ELFN2: variants seen among roughly 807,000 people sequenced by gnomAD.
The protein encoded by ELFN2 is extracellular leucine rich repeat and fibronectin type III domain containing 2.
Under a neutral mutation model 45.5 loss-of-function variants are expected in ELFN2, and 17 were observed. The ratio of observed to expected loss-of-function variants is 0.37; its 90% CI spans 0.26 to 0.56. The LOEUF (loss-of-function observed/expected upper bound fraction) is 0.56. Ranked by LOEUF, ELFN2 falls within the 20% of genes least tolerant of loss-of-function variation. The probability of loss-of-function intolerance (pLI) is 0.77; values close to 1 mark genes in which losing one functional copy is unlikely to be tolerated. For synonymous variants in ELFN2, 550 were observed against 551.5 expected (o/e 1.00, Z 0.04); for missense variants, 922 against 1,183.2 (o/e 0.78, Z 3.24).
intron 2 of ELFN2, among the ~76,000 whole-genome samples, chr22:37,380,006 G>T (rs1569134374): frequency 6.6e-6 from 1 of 152,174 alleles, no homozygotes; most frequent in Admixed American, 6.5e-5. Context: ...GGGTTTTATA[G>T]TTATTTCTTC....
chr22:37,409,148 G>T (rs530908545), intron 2 of ELFN2, among the ~76,000 whole-genome samples: 30 of 152,282 alleles, frequency 2.0e-4, no homozygotes, highest in Admixed American at 7.2e-4. Flanking sequence ...GAGAGCCACA[G>T]GCCAGGGACC....
At chr22:37,396,549 C>T (rs894492420) in intron 2 of ELFN2, among the ~76,000 whole-genome samples, 2 of 152,196 alleles carry the variant, frequency 1.3e-5, no homozygotes, top group Non-Finnish European at 2.9e-5. Context: ...GATCCCTTAG[C>T]ACTACCCAGG....
In ELFN2 at chr22:37,373,447, G is replaced by A. The variant is rs371726939; in HGVS notation, c.2088C>T (p.His696=). ...GGSGGGGGIH[H]LEVKPAYHCS... is the part of the protein sequence containing the mutation. Reference sequence around the variant, plus strand: ...AGTGGTAGGCCGGCTTCACCTCCAGGTGGTGGATGCCCCCGCCCCCGCCGC... The same window carrying A: ...AGTGGTAGGCCGGCTTCACCTCCAGATGGTGGATGCCCCCGCCCCCGCCGC... Residue 696 remains histidine (H), a synonymous_variant, in exon 3 of 3, where the codon CAC becomes CAT. Coordinates refer to ENST00000402918, the MANE Select transcript of ELFN2 (RefSeq NM_052906.5). 166 of 1,543,078 alleles carry A rather than the reference G, an allele frequency of 1.1e-4. No individual in the cohort carries two copies. In the African/African-American group the frequency reaches 2.1e-3, roughly 20 times the overall value.
At chr22:37,387,543 G>A (rs1931981039) in intron 2 of ELFN2, among the ~76,000 whole-genome samples, 1 of 152,088 alleles carries the variant, frequency 6.6e-6, no homozygotes, top group Non-Finnish European at 1.5e-5. Context: ...AAAAGATGCA[G>A]GAGCTGACCC....
chr22:37,358,906 C>CA (rs1371231739), intron 1 of ELFN2, among the ~76,000 whole-genome samples: 1 of 152,032 alleles, frequency 6.6e-6, no homozygotes, highest in African/African-American at 2.4e-5. Flanking sequence ...AGACTAGCTC[C>CA]AAAAAAACGG....
intron 1 of ELFN2, among the ~76,000 whole-genome samples, chr22:37,423,646 A>C (rs558497445): frequency 6.6e-6 from 1 of 152,272 alleles, no homozygotes; most frequent in African/African-American, 2.4e-5. Context: ...CCTGGCTCTC[A>C]GTAGGGGCTC....
chr22:37,353,828 C>T (rs1284147663), intron 1 of ELFN2: 1 of 150,906 alleles, frequency 6.6e-6, no homozygotes, highest in African/African-American at 2.4e-5. Flanking sequence ...AGCGTAAACC[C>T]GTGCAAGCAC....
Position 37,373,671 on chromosome 22 carries a change from C to T in ELFN2, c.1864G>A (p.Ala622Thr), listed in dbSNP as rs962768922. Residue 622 changes from alanine (A) to threonine (T), a missense_variant, in exon 3 of 3, where the codon GCG (alanine) becomes ACG (threonine). Physicochemically the swap from Ala to Thr is moderately conservative, Grantham distance 58. This residue lies in a region of ELFN2 where 564 missense variants were observed against 642.8 expected (regional missense o/e 0.88). Coordinates refer to ENST00000402918, the MANE Select transcript of ELFN2 (RefSeq NM_052906.5). The part of the protein sequence containing the change: ...HPLQRQLSAD[A>T]AVTRKTCSVS... ...CTGCAGGTCTTGCGGGTCACGGCCG[C>T]GTCGGCGCTCAGCTGGCGCTGTAGT... is the stretch of plus-strand genomic sequence containing the variant. 3 of 1,571,990 alleles carry T rather than the reference C, an allele frequency of 1.9e-6. No individual in the cohort carries two copies. The highest frequency in any genetic ancestry group is 3.8e-5 in the Admixed American group (2 of 52,918).
chr22:37,414,612 AG>A (rs1416244235), intron 2 of ELFN2, among the ~76,000 whole-genome samples: 1 of 152,226 alleles, frequency 6.6e-6, no homozygotes, highest in African/African-American at 2.4e-5. Flanking sequence ...ATTCATTTAA[AG>A]TAACCCTGCT....
intron 2 of ELFN2, among the ~76,000 whole-genome samples, chr22:37,388,432 T>A (rs374873920): frequency 6.6e-6 from 1 of 152,138 alleles, no homozygotes; most frequent in African/African-American, 2.4e-5. Context: ...TCAATAAATA[T>A]TTGTTCATGG....
chr22:37,358,527 C>T (rs1931003558), intron 1 of ELFN2, among the ~76,000 whole-genome samples: 2 of 152,220 alleles, frequency 1.3e-5, no homozygotes. Context: ...GCATCTGCAT[C>T]CCGATTAGAT....
intron 2 of ELFN2, among the ~76,000 whole-genome samples, chr22:37,378,306 T>A (rs1931639786): frequency 1.3e-5 from 2 of 152,208 alleles, no homozygotes; most frequent in Non-Finnish European, 2.9e-5. Context: ...GTGTGTTCTG[T>A]GTGTTCTACA....
chr22:37,384,257 C>T (rs920187939), intron 2 of ELFN2, among the ~76,000 whole-genome samples: 12 of 152,040 alleles, frequency 7.9e-5, no homozygotes, highest in Non-Finnish European at 1.8e-4. Flanking sequence ...AACCACATGG[C>T]CCGTGAGCAG....
At chr22:37,392,292 TTTTG>T (rs554549663) in intron 2 of ELFN2, among the ~76,000 whole-genome samples, 8 of 151,370 alleles carry the variant, frequency 5.3e-5, no homozygotes, top group East Asian at 3.9e-4. Context: ...TTGTTGTGTT[TTTTG>T]TTTGTTTGTT....
chr22:37,356,539 G>C (rs1930954155), intron 1 of ELFN2, among the ~76,000 whole-genome samples: 1 of 152,162 alleles, frequency 6.6e-6, no homozygotes, highest in South Asian at 2.1e-4. Flanking sequence ...CTCTGAAATG[G>C]CTGTCTACGT....
At chr22:37,413,674 G>C (rs1932709642) in intron 2 of ELFN2, among the ~76,000 whole-genome samples, 1 of 152,094 alleles carries the variant, frequency 6.6e-6, no homozygotes, top group African/African-American at 2.4e-5. Flanking sequence ...CCTCCTAGAA[G>C]CCAGCCCAGA....
intron 2 of ELFN2, among the ~76,000 whole-genome samples, chr22:37,406,644 G>C (rs1932508894): frequency 1.3e-5 from 2 of 152,216 alleles, no homozygotes; most frequent in African/African-American, 4.8e-5. Context: ...GGGAAACAAA[G>C]ACTTAATTTC....
At position 37,375,028 on chromosome 22, in the gene ELFN2, G is replaced by T. The variant is rs1366661330; in HGVS notation, c.507C>A (p.Ala169=). 6.2e-7 allele frequency: 1 copy of T among 1,613,364 alleles called. No homozygotes were observed. Among genetic ancestry groups the T allele is most frequent in the African/African-American group, 1.3e-5 (1 of 74,940 alleles). Residue 169 remains alanine, a synonymous_variant, in exon 3 of 3, where the codon GCC becomes GCA. Coordinates refer to ENST00000402918, the MANE Select transcript of ELFN2 (RefSeq NM_052906.5). ...TCAGGCTGGCGAGGCTGGCAAAGGTGGCACCGTCCAGGCGGCTGAGGCGGT... is the reference window on the plus strand; with the variant it reads ...TCAGGCTGGCGAGGCTGGCAAAGGTTGCACCGTCCAGGCGGCTGAGGCGGT... ...SSNRLSRLDG[A]TFASLASLMV... is the part of the protein sequence containing the mutation.
At chr22:37,384,052 C>A (rs1340537570) in intron 2 of ELFN2, among the ~76,000 whole-genome samples, 1 of 152,154 alleles carries the variant, frequency 6.6e-6, no homozygotes, top group Non-Finnish European at 1.5e-5. Flanking sequence ...CCGTGTCACC[C>A]CCCCATGGCT....
Sources: gnomAD v4.1 joint callset for allele counts (sites outside exome capture counted in the v4.1 genomes callset) on GRCh38, gnomAD v4.1.1 for gene constraint, gnomAD v4.1.1 regional missense constraint, MANE v1.5 for transcripts, NCBI Gene and HGNC (gene_info 2026-07-23, HGNC 2026-07-21) for gene names.